Variants in PURA observed in about 807,000 individuals in gnomAD.
PURA encodes purine rich element binding protein A, also known as transcriptional activator protein Pur-alpha.
A neutral mutation model predicts 23.1 loss-of-function variants in PURA; 2 were observed. The observed-to-expected ratio is 0.09, with a 90% CI of 0.04 to 0.27. PURA has a LOEUF of 0.27. Ranked by LOEUF, PURA falls within the 10% of genes least tolerant of loss-of-function variation. The pLI is 1.00. For missense variants in PURA, 187 were observed against 449.7 expected (o/e 0.42, Z 5.28); for synonymous variants, 254 against 205.9 (o/e 1.23, Z -2.00).
At position 140,117,589 on chromosome 5, in the gene PURA, A is replaced by G. The variant is rs1369999119; in HGVS notation, c.*2439A>G. On this transcript the variant is annotated 3_prime_UTR_variant, in exon 1 of 1. Transcript: ENST00000331327. The stretch of plus-strand genomic sequence containing the variant: ...CAGCAATAAGTAGTGCAAGTCAACA[A>G]AAACACAGCAAACTTAGGCAAAGTG... The G allele has an allele frequency of 6.0e-6, 1 of 167,076 alleles. No individual in the cohort carries two copies. The highest frequency in any genetic ancestry group is 1.5e-5 in the Non-Finnish European group (1 of 68,088). The allele number at this position is 167,076 out of a possible 1,614,324, so 10.3% of individuals were successfully genotyped here.
rs1763082969 is a variant in PURA, at chr5:140,116,630, G to T, written c.*1480G>T. ...TGTTTGTAACGATAGTCTTTTACAG[G>T]TTTTCCTTTAAAGATGTTTGTGTGC... On this transcript the variant is annotated 3_prime_UTR_variant, in exon 1 of 1. Coordinates refer to ENST00000331327, the MANE Select transcript of PURA (RefSeq NM_005859.5). The T allele has an allele frequency of 6.0e-6, 1 of 166,944 alleles. No individual in the cohort carries two copies. The highest frequency in any genetic ancestry group is 2.4e-5 in the African/African-American group (1 of 41,406). The allele number at this position is 166,944 out of a possible 1,614,324, so 10.3% of individuals were successfully genotyped here. A position where few individuals can be genotyped will look rare whatever the true frequency, so the allele number is the denominator to read the frequency against.
rs1359527671 is a variant in PURA, at chr5:140,115,326, GT to G, written c.*179del. ...CCCACAGAACCTCCACCAACTGACA[GT>G]TTCTCTTCTTGACTTGCCACCCATC... On this transcript the variant is annotated 3_prime_UTR_variant, in exon 1 of 1. Transcript: ENST00000331327. This position sits in a 1 kb window ranked among gnomAD's most constrained non-coding sequence, Gnocchi z 4.1. 1 of 451,514 alleles carries G rather than the reference GT, an allele frequency of 2.2e-6. No individual in the cohort carries two copies. Among genetic ancestry groups the G allele is most frequent in the Non-Finnish European group, 3.9e-6 (1 of 254,892 alleles). 28.0% of individuals were successfully genotyped at this position (451,514 alleles called of 1,614,324 possible).
At position 140,117,463 on chromosome 5, in the gene PURA, A is replaced by T. The variant is rs1763094505; in HGVS notation, c.*2313A>T. On this transcript the variant is annotated 3_prime_UTR_variant, in exon 1 of 1. Transcript: ENST00000331327. ...TCTGTGCTGTTACTAATTAGGAAAG[A>T]GAATTGCTTTGATTTTGTCTCTTGT... 2 of 167,018 alleles carry T rather than the reference A, an allele frequency of 1.2e-5. No individual in the cohort carries two copies. Among genetic ancestry groups the T allele is most frequent in the African/African-American group, 4.8e-5 (2 of 41,468 alleles). 10.3% of individuals were successfully genotyped at this position (167,018 alleles called of 1,614,324 possible).
At position 140,125,154 on chromosome 5, in the gene PURA, C is replaced by T. The variant is rs145545408; in HGVS notation, c.*10004C>T. ...TACCCAAGAAAAAAAAAATGCCCAT[C>T]CCTGGATAATTTTGCATACAACTTC... On this transcript the variant is annotated 3_prime_UTR_variant, in exon 1 of 1. Transcript: ENST00000331327. The T allele has an allele frequency of 2.5e-4, 41 of 166,970 alleles. No homozygotes were observed. Among genetic ancestry groups the T allele is most frequent in the Non-Finnish European group, 5.1e-4 (35 of 68,078 alleles). The allele number at this position is 166,970 out of a possible 1,614,324, so 10.3% of individuals were successfully genotyped here. A position where few individuals can be genotyped will look rare whatever the true frequency, so the allele number is the denominator to read the frequency against.
At position 140,116,121 on chromosome 5, in the gene PURA, A is replaced by G. The variant is rs1042196499; in HGVS notation, c.*971A>G. On this transcript the variant is annotated 3_prime_UTR_variant, in exon 1 of 1. Transcript: ENST00000331327. Reference sequence around the variant, plus strand: ...GTTTTGTCATTATTGTGTATATGAGATGTACTTGTATCGTTCATAATATAT... The same window carrying G: ...GTTTTGTCATTATTGTGTATATGAGGTGTACTTGTATCGTTCATAATATAT... The G allele has an allele frequency of 6.0e-6, 1 of 167,064 alleles. No homozygotes were observed. The highest frequency in any genetic ancestry group is 1.5e-5 in the Non-Finnish European group (1 of 68,102). 10.3% of individuals were successfully genotyped at this position (167,064 alleles called of 1,614,324 possible).
In PURA at chr5:140,116,173, T is replaced by A. The variant is rs545406631; in HGVS notation, c.*1023T>A. ...TTTTTTATTATGTGTAGAAAGATTT[T>A]AAAAAACTAACGTGCAGCAATTTCC... On this transcript the variant is annotated 3_prime_UTR_variant, in exon 1 of 1. Coordinates refer to ENST00000331327, the MANE Select transcript of PURA (RefSeq NM_005859.5). 6.0e-6 allele frequency: 1 copy of A among 167,210 alleles called. No homozygotes were observed. The highest frequency in any genetic ancestry group is 2.1e-4 in the South Asian group (1 of 4,832). 10.4% of individuals were successfully genotyped at this position (167,210 alleles called of 1,614,324 possible).
rs1763121441 is a variant in PURA at position 140,119,097 on chromosome 5, TAACTG to T, written c.*3948_*3952del. On this transcript the variant is annotated 3_prime_UTR_variant, in exon 1 of 1. Transcript: ENST00000331327. Reference sequence around the variant, plus strand: ...TGCAATCAGATGGCATTCACAAACTTAACTGGAGCATATACAAATATATTAGTCTA... The same window carrying T: ...TGCAATCAGATGGCATTCACAAACTTGAGCATATACAAATATATTAGTCTA... 1 of 166,782 alleles carries T rather than the reference TAACTG, an allele frequency of 6.0e-6. No individual in the cohort carries two copies. Among genetic ancestry groups the T allele is most frequent in the Admixed American group, 6.6e-5 (1 of 15,252 alleles). The allele number at this position is 166,782 out of a possible 1,614,324, so 10.3% of individuals were successfully genotyped here.
In PURA at chr5:140,120,266, TACAC is replaced by T. The variant is rs1206438314; in HGVS notation, c.*5120_*5123del. On this transcript the variant is annotated 3_prime_UTR_variant, in exon 1 of 1. Transcript: ENST00000331327. ...TTGTGTGTGTGTATATGTATATAGA[TACAC>T]ACATCTCCTTGAGAGTGGAATAAGT... 2 of 166,946 alleles carry T rather than the reference TACAC, an allele frequency of 1.2e-5. No individual in the cohort carries two copies. Among genetic ancestry groups the T allele is most frequent in the East Asian group, 1.9e-4 (1 of 5,192 alleles). 10.3% of individuals were successfully genotyped at this position (166,946 alleles called of 1,614,324 possible).
chr5:140,123,420 A>G lies in PURA; in HGVS notation c.*8270A>G, dbSNP rs1435082686. On this transcript the variant is annotated 3_prime_UTR_variant, in exon 1 of 1. Transcript: ENST00000331327. ...ATTTCTAGTTTTCATTATTTGCACT[A>G]TTTATCTTTGCACTTGATTTTTTGA... The G allele has an allele frequency of 6.0e-6, 1 of 166,956 alleles. No homozygotes were observed. The highest frequency in any genetic ancestry group is 6.6e-5 in the Admixed American group (1 of 15,264). 10.3% of individuals were successfully genotyped at this position (166,956 alleles called of 1,614,324 possible).
chr5:140,114,706 C>T lies in PURA; in HGVS notation c.525C>T (p.Asn175=), dbSNP rs757427646. 4 of 1,612,822 alleles carry T rather than the reference C, an allele frequency of 2.5e-6. No homozygotes were observed. Among genetic ancestry groups the T allele is most frequent in the Non-Finnish European group, 3.4e-6 (4 of 1,179,824 alleles). The change falls in exon 1 of 1, where the codon AAC becomes AAT. Residue 175 remains asparagine, a synonymous_variant. Transcript: ENST00000331327. ...GRFLRIRQTV[N]RGPGLGSTQG... is the part of the protein sequence containing the mutation. The stretch of plus-strand genomic sequence containing the variant: ...TCCTGCGCATCCGCCAGACGGTCAA[C>T]CGGGGGCCTGGCCTGGGCTCCACGC...
rs1763189462 is a variant in PURA, at chr5:140,124,874, TTTGA to T, written c.*9727_*9730del. 1 of 166,958 alleles carries T rather than the reference TTTGA, an allele frequency of 6.0e-6. No individual in the cohort carries two copies. 10.3% of individuals were successfully genotyped at this position (166,958 alleles called of 1,614,324 possible). A position where few individuals can be genotyped will look rare whatever the true frequency, so the allele number is the denominator to read the frequency against. ...AAAATGAAAAAAATTTAGAAAGCGATTTGATTATTTTTTAATGGAGTTTAACCAG... is the reference window on the plus strand; with the variant it reads ...AAAATGAAAAAAATTTAGAAAGCGATTTATTTTTTAATGGAGTTTAACCAG... On this transcript the variant is annotated 3_prime_UTR_variant, in exon 1 of 1. Coordinates refer to ENST00000331327, the MANE Select transcript of PURA (RefSeq NM_005859.5).
chr5:140,122,542 T>C lies in PURA; in HGVS notation c.*7392T>C, dbSNP rs937430371. ...TTGCATCCGTAGCAACCATTTAACC[T>C]TGTAGACCTTATGAGGCCCTCAATA... On this transcript the variant is annotated 3_prime_UTR_variant, in exon 1 of 1. Transcript: ENST00000331327. 1 of 166,868 alleles carries C rather than the reference T, an allele frequency of 6.0e-6. No individual in the cohort carries two copies. The highest frequency in any genetic ancestry group is 1.5e-5 in the Non-Finnish European group (1 of 67,982). The allele number at this position is 166,868 out of a possible 1,614,324, so 10.3% of individuals were successfully genotyped here. A position where few individuals can be genotyped will look rare whatever the true frequency, so the allele number is the denominator to read the frequency against.
rs1763149452 is a variant in PURA at position 140,121,210 on chromosome 5, T to C, written c.*6060T>C. 6.0e-6 allele frequency: 1 copy of C among 166,942 alleles called. No homozygotes were observed. The highest frequency in any genetic ancestry group is 1.5e-5 in the Non-Finnish European group (1 of 68,002). The allele number at this position is 166,942 out of a possible 1,614,324, so 10.3% of individuals were successfully genotyped here. On this transcript the variant is annotated 3_prime_UTR_variant, in exon 1 of 1. Transcript: ENST00000331327. ...AGGACCAAGTCCTTCTATTTTAGAA[T>C]TGTGAAAAACATGGAAATACTCTTG...
rs1010232999 is a variant in PURA at position 140,117,693 on chromosome 5, A to G, written c.*2543A>G. 6.0e-6 allele frequency: 1 copy of G among 166,338 alleles called. No homozygotes were observed. The allele number at this position is 166,338 out of a possible 1,614,324, so 10.3% of individuals were successfully genotyped here. ...ACCTAAAGTGAAGCCTTTCTTATCT[A>G]TAGACTTCAGATTCTGCTTGGAATC... On this transcript the variant is annotated 3_prime_UTR_variant, in exon 1 of 1. Transcript: ENST00000331327.
In PURA at chr5:140,124,502, G is replaced by A. The variant is rs1219929443; in HGVS notation, c.*9352G>A. The A allele has an allele frequency of 6.0e-6, 1 of 167,004 alleles. No homozygotes were observed. Among genetic ancestry groups the A allele is most frequent in the Non-Finnish European group, 1.5e-5 (1 of 68,100 alleles). The allele number at this position is 167,004 out of a possible 1,614,324, so 10.3% of individuals were successfully genotyped here. On this transcript the variant is annotated 3_prime_UTR_variant, in exon 1 of 1. Coordinates refer to ENST00000331327, the MANE Select transcript of PURA (RefSeq NM_005859.5). ...CCTTTATAACATAGTGTGAATGTTT[G>A]TGGCCAATTCAATTGTGGAATCTTA...
rs1763061531 is a variant in PURA at position 140,115,203 on chromosome 5, A to G, written c.*53A>G. The G allele has an allele frequency of 9.9e-7, 1 of 1,007,846 alleles. No homozygotes were observed. The highest frequency in any genetic ancestry group is 1.4e-6 in the Non-Finnish European group (1 of 707,310). The allele number at this position is 1,007,846 out of a possible 1,614,324, so 62.4% of individuals were successfully genotyped here. A position where few individuals can be genotyped will look rare whatever the true frequency, so the allele number is the denominator to read the frequency against. On this transcript the variant is annotated 3_prime_UTR_variant, in exon 1 of 1. Transcript: ENST00000331327. The surrounding 1 kb of genome is among the most constrained non-coding windows in gnomAD (Gnocchi z 4.1). ...CACACATGCATACACACACACACAC[A>G]GCCACACACACAGAAAATATACTGT...
At position 140,115,179 on chromosome 5, in the gene PURA, A is replaced by C; in HGVS notation, c.*29A>C. The C allele has an allele frequency of 8.2e-7, 1 of 1,212,508 alleles. No homozygotes were observed. 75.1% of individuals were successfully genotyped at this position (1,212,508 alleles called of 1,614,324 possible). On this transcript the variant is annotated 3_prime_UTR_variant, in exon 1 of 1. Transcript: ENST00000331327. This position sits in a 1 kb window ranked among gnomAD's most constrained non-coding sequence, Gnocchi z 4.1. ...AACTGAATGAAACCCCCACACACAC[A>C]CACATGCATACACACACACACACAG...
chr5:140,122,697 G>A lies in PURA; in HGVS notation c.*7547G>A, dbSNP rs1763166451. 6.0e-6 allele frequency: 1 copy of A among 166,816 alleles called. No individual in the cohort carries two copies. 10.3% of individuals were successfully genotyped at this position (166,816 alleles called of 1,614,324 possible). On this transcript the variant is annotated 3_prime_UTR_variant, in exon 1 of 1. Coordinates refer to ENST00000331327, the MANE Select transcript of PURA (RefSeq NM_005859.5). ...TGGCAAATGTTAATAAAATAAGTTA[G>A]TACATTTTGGAGGTTCTTATATCCT... is the stretch of plus-strand genomic sequence containing the variant.
At position 140,124,861 on chromosome 5, in the gene PURA, AT is replaced by A. The variant is rs534953361; in HGVS notation, c.*9714del. ...TTACCACATATCGAAAATGAAAAAAATTTAGAAAGCGATTTGATTATTTTTT... is the reference window on the plus strand; with the variant it reads ...TTACCACATATCGAAAATGAAAAAAATTAGAAAGCGATTTGATTATTTTTT... On this transcript the variant is annotated 3_prime_UTR_variant, in exon 1 of 1. Coordinates refer to ENST00000331327, the MANE Select transcript of PURA (RefSeq NM_005859.5). The A allele has an allele frequency of 7.8e-4, 131 of 167,116 alleles. No individual in the cohort carries two copies. Among genetic ancestry groups the A allele is most frequent in the African/African-American group, 3.1e-3 (130 of 41,570 alleles). 10.4% of individuals were successfully genotyped at this position (167,116 alleles called of 1,614,324 possible).
Sources: allele counts gnomAD v4.1 joint callset, GRCh38; gene constraint gnomAD v4.1.1; non-coding constraint Gnocchi (gnomAD v3.1); transcripts MANE v1.5; gene names NCBI Gene and HGNC (gene_info 2026-07-23, HGNC 2026-07-21).